Variants in JCAD observed in about 807,000 individuals in gnomAD.
JCAD encodes junctional cadherin 5 associated, also known as junctional cadherin 5-associated protein.
A neutral mutation model predicts 98.0 loss-of-function variants in JCAD; 40 were observed. That is an observed-to-expected ratio of 0.41 (90% CI 0.32 to 0.53). The LOEUF (loss-of-function observed/expected upper bound fraction) is 0.53, where lower values mean the gene tolerates loss of function less well. Among genes scored for constraint, JCAD ranks in the 20% least tolerant of loss-of-function variants. JCAD has a pLI of 0.31. For missense variants in JCAD, 1,705 were observed against 1,738.1 expected, an observed-to-expected ratio of 0.98 and a Z score of 0.34; for synonymous variants, 691 against 682.3, an observed-to-expected ratio of 1.01 and a Z score of -0.20.
intron 1 of JCAD, among the ~76,000 whole-genome samples, chr10:30,052,141 T>C (rs1290008494): frequency 2.6e-5 from 4 of 152,216 alleles, no homozygotes; most frequent in Admixed American, 6.5e-5. Flanking sequence ...AATTAGGAAG[T>C]TGCTGTTAAC....
intron 3 of JCAD, among the ~76,000 whole-genome samples, chr10:30,019,756 A>T (rs918135576): frequency 6.6e-6 from 1 of 152,152 alleles, no homozygotes; most frequent in African/African-American, 2.4e-5. Context: ...GATAGAGTAC[A>T]TCTCAAATGT....
chr10:30,026,845 CG>C lies in JCAD; in HGVS notation c.3302del (p.Pro1101ArgfsTer60), dbSNP rs780878559. On this transcript the variant is annotated frameshift_variant, in exon 3 of 4. Coordinates refer to ENST00000375377, the MANE Select transcript of JCAD (RefSeq NM_020848.4). LOFTEE classifies it high-confidence loss of function. ...GIEVAVESLL[P>X]GIRRAGQNQP... ...GGTTCTGTCCCGCTCTCCGGATGCC[CG>C]GCAGGAGGGACTCCACCGCCACCTC... The C allele has an allele frequency of 3.7e-6, 6 of 1,613,826 alleles. No individual in the cohort carries two copies. The highest frequency in any genetic ancestry group is 5.1e-6 in the Non-Finnish European group (6 of 1,180,014).
intron 2 of JCAD, among the ~76,000 whole-genome samples, chr10:30,031,152 G>C (rs1263241863): frequency 4.0e-5 from 6 of 151,884 alleles, no homozygotes; most frequent in Non-Finnish European, 8.8e-5. Context: ...TTTTGAGACA[G>C]GGTCTCACTC....
At chr10:30,086,533 G>A (rs954685148) in intron 1 of JCAD, among the ~76,000 whole-genome samples, 2 of 152,188 alleles carry the variant, frequency 1.3e-5, no homozygotes. Flanking sequence ...GAATTCAGCA[G>A]GCTGAAAACC....
At position 30,073,685 on chromosome 10, in the gene JCAD, C is replaced by CCTTCCTTG. The variant is rs1554800618; in HGVS notation, n.129-3865_129-3864insCAAGGAAG. Among the ~76,000 whole-genome samples, 134 of 34,682 alleles carry CCTTCCTTG rather than the reference C, an allele frequency of 3.9e-3. 1 individual carries two copies. Among genetic ancestry groups the CCTTCCTTG allele is most frequent in the African/African-American group, 8.0e-3 (129 of 16,116 alleles). 22.8% of individuals were successfully genotyped at this position (34,682 alleles called of 152,430 possible). The stretch of plus-strand genomic sequence containing the variant: ...TCCTTCCTTCCTTCCTTCCTTGCTT[C>CCTTCCTTG]CTTCCTTCCTTCCTTCCTTCCTTCT... On this transcript the variant is annotated intron_variant and non_coding_transcript_variant, in intron 1 of 2. Coordinates refer to the JCAD transcript ENST00000465712.
intron 1 of JCAD, among the ~76,000 whole-genome samples, chr10:30,051,271 C>T (rs866243774): frequency 2.8e-4 from 34 of 122,092 alleles, no homozygotes; most frequent in Middle Eastern, 3.9e-3. Flanking sequence ...CACACACGCA[C>T]GCACACACGC....
rs147075255 is a variant in JCAD, at chr10:30,072,964, C to A, written n.129-3143G>T. Among the ~76,000 whole-genome samples, 1,433 of 152,276 alleles carry A rather than the reference C, an allele frequency of 9.4e-3. 25 individuals carry two copies. Among genetic ancestry groups the A allele is most frequent in the Admixed American group, 0.026 (393 of 15,290 alleles). On this transcript the variant is annotated intron_variant and non_coding_transcript_variant, in intron 1 of 2. Coordinates refer to the JCAD transcript ENST00000465712. Reference sequence around the variant, plus strand: ...CAATTTCTTTGATTCTAATGTGCACCAAAGTTTGAGAGCCATGGGGCATGA... The same window carrying A: ...CAATTTCTTTGATTCTAATGTGCACAAAAGTTTGAGAGCCATGGGGCATGA...
intron 1 of JCAD, among the ~76,000 whole-genome samples, chr10:30,085,219 T>C (rs1838149356): frequency 6.6e-6 from 1 of 152,194 alleles, no homozygotes; most frequent in African/African-American, 2.4e-5. Context: ...ACAACTGGTA[T>C]CAGCAAGCTT....
Position 30,029,791 on chromosome 10 carries a change from T to C in JCAD, c.357A>G (p.Gly119=). The stretch of plus-strand genomic sequence containing the variant: ...GCTTCTGGCTCCTGGCTTCTTGCCG[T>C]CCTCTTCTCCGGTAGGCTTGGTCGT... The part of the protein sequence containing the change: ...TGNDQAYRRR[G]RQEARSQKPR... The change falls in exon 3 of 4, where the codon GGA becomes GGG. Residue 119 remains glycine, a synonymous_variant. Transcript: ENST00000375377. 1 of 1,614,180 alleles carries C rather than the reference T, an allele frequency of 6.2e-7. No individual in the cohort carries two copies. Among genetic ancestry groups the C allele is most frequent in the South Asian group, 1.1e-5 (1 of 91,084 alleles).
At chr10:30,037,614 G>A (rs1774239) in intron 2 of JCAD, among the ~76,000 whole-genome samples, 1,542 of 151,922 alleles carry the variant, frequency 0.01, 16 homozygotes, top group Non-Finnish European at 0.015. Flanking sequence ...AGTACCTGGC[G>A]GACTATTTCT....
At chr10:30,056,297 C>T (rs1218118661) in intron 1 of JCAD, among the ~76,000 whole-genome samples, 1 of 152,124 alleles carries the variant, frequency 6.6e-6, no homozygotes, top group African/African-American at 2.4e-5. Flanking sequence ...AAGTCTTTAT[C>T]AAAGTGTTTG....
In JCAD at chr10:30,015,893, TGGTACTACCA is replaced by T. The variant is rs1461953439; in HGVS notation, c.*1980_*1989del. The T allele has an allele frequency of 6.6e-6, 1 of 152,214 alleles. No homozygotes were observed. The highest frequency in any genetic ancestry group is 1.5e-5 in the Non-Finnish European group (1 of 68,042). The allele number at this position is 152,214 out of a possible 1,614,324, so 9.4% of individuals were successfully genotyped here. On this transcript the variant is annotated 3_prime_UTR_variant, in exon 4 of 4. Transcript: ENST00000375377. ...ACCTCCAGGCGCCTCAGCCCTTATT[TGGTACTACCA>T]GGTGACTTCAATGATTCACCAGCTA...
At chr10:30,074,019 CGT>C (rs1202299336) in intron 1 of JCAD, among the ~76,000 whole-genome samples, 1 of 152,002 alleles carries the variant, frequency 6.6e-6, no homozygotes, top group African/African-American at 2.4e-5. Context: ...TGCATATGTA[CGT>C]GTGTGTGACA....
chr10:30,044,229 A>G (rs1436200624), intron 2 of JCAD, among the ~76,000 whole-genome samples: 3 of 152,326 alleles, frequency 2.0e-5, no homozygotes, highest in Non-Finnish European at 4.4e-5. Flanking sequence ...AGCAGCACAC[A>G]TTGGATGAAT....
At chr10:30,054,229 A>G (rs1837523822) in intron 1 of JCAD, among the ~76,000 whole-genome samples, 1 of 152,218 alleles carries the variant, frequency 6.6e-6, no homozygotes, top group African/African-American at 2.4e-5. Flanking sequence ...TTGTTTATAT[A>G]CATATGTACT....
At chr10:30,075,998 T>A (rs2132676382) in intron 1 of JCAD, among the ~76,000 whole-genome samples, 1 of 152,298 alleles carries the variant, frequency 6.6e-6, no homozygotes, top group East Asian at 1.9e-4. Context: ...GTGGTTTTAC[T>A]TCCAATTTGT....
At chr10:30,022,354 A>G (rs948872780) in intron 3 of JCAD, among the ~76,000 whole-genome samples, 2 of 152,118 alleles carry the variant, frequency 1.3e-5, no homozygotes, top group African/African-American at 4.8e-5. Context: ...GGAGCAATGA[A>G]GCAGTTCTAG....
rs779753108 is a variant in JCAD at position 30,027,177 on chromosome 10, A to C, written c.2971T>G (p.Ser991Ala). ...GGCTCCCTAGGTTCAGCTGGATAGG[A>C]CGCGGGCAGTGGTTTTGCGTCACTT... ...RSSDAKPLPASYPAEPREPQE... is the reference protein window; with the variant it reads ...RSSDAKPLPAAYPAEPREPQE... The change falls in exon 3 of 4, where the codon TCC (serine) becomes GCC (alanine). Residue 991 changes from serine (S) to alanine (A), a missense_variant. Ser to Ala is a moderately conservative substitution (Grantham distance 99). Transcript: ENST00000375377. The C allele has an allele frequency of 7.4e-6, 12 of 1,614,122 alleles. No homozygotes were observed. The highest frequency in any genetic ancestry group is 9.3e-6 in the Non-Finnish European group (11 of 1,179,978).
rs76179184 is a variant in JCAD, at chr10:30,072,126, C to T, written n.129-2305G>A. On this transcript the variant is annotated intron_variant and non_coding_transcript_variant, in intron 1 of 2. Transcript: ENST00000465712. ...CTGGAAGGAAGGAAAGAAGGAAGGG[C>T]AGGGCAGGGCAGGGAAGGGAAGGGA... Among the ~76,000 whole-genome samples the T allele has an allele frequency of 1.0e-2, 1,453 of 145,674 alleles. 23 individuals carry two copies. Among genetic ancestry groups the T allele is most frequent in the Middle Eastern group, 0.056 (16 of 286 alleles).
Sources: gnomAD v4.1 joint callset for allele counts (sites outside exome capture counted in the v4.1 genomes callset) on GRCh38, gnomAD v4.1.1 for gene constraint, MANE v1.5 for transcripts, NCBI Gene and HGNC (gene_info 2026-07-23, HGNC 2026-07-21) for gene names.